The following SPG7 variants were observed in gnomAD, a reference collection of about 807,000 sequenced individuals.
SPG7 encodes SPG7 matrix AAA peptidase subunit, paraplegin.
A neutral mutation model predicts 81.9 loss-of-function variants in SPG7; 103 were observed. That is an observed-to-expected ratio of 1.26 (90% CI 1.07 to 1.48). The LOEUF is 1.48. Ranked by LOEUF, SPG7 falls within the 40% of genes most tolerant of loss-of-function variation. The probability of loss-of-function intolerance (pLI) is 0.00; values close to 1 mark genes in which losing one functional copy is unlikely to be tolerated. For missense variants in SPG7, 1,241 were observed against 1,087.3 expected (o/e 1.14, Z -1.99); for synonymous variants, 534 against 444.2 (o/e 1.20, Z -2.54).
intron 2 of SPG7, among the ~76,000 whole-genome samples, chr16:89,512,334 G>A (rs1017884485): frequency 4.6e-5 from 7 of 152,064 alleles, no homozygotes; most frequent in South Asian, 4.2e-4. Context: ...AACCATTTGT[G>A]AGTCGGAGTC....
At chr16:89,539,538 C>T (rs535202615) in intron 9 of SPG7, 7 of 152,124 alleles carry the variant, frequency 4.6e-5, no homozygotes, top group African/African-American at 1.4e-4. Flanking sequence ...TTGCCTATTC[C>T]TAGATCCTAA....
chr16:89,512,996 A>G lies in SPG7; in HGVS notation c.335A>G (p.Glu112Gly), dbSNP rs1414573753. Residue 112 changes from glutamate (E) to glycine (G), a missense_variant, in exon 3 of 17, where the codon GAG becomes GGG. Glu to Gly is a moderately conservative substitution (Grantham distance 98, BLOSUM62 -2). Transcript: ENST00000645818. Reference sequence around the variant, plus strand: ...TCAAGGTTGAAGCAGAAGAATAAGGAGAAGGATAAGTCGAAGGGGAAGGCG... The same window carrying G: ...TCAAGGTTGAAGCAGAAGAATAAGGGGAAGGATAAGTCGAAGGGGAAGGCG... ...NTSRLKQKNKEKDKSKGKAPE... is the reference protein window; with the variant it reads ...NTSRLKQKNKGKDKSKGKAPE... 3 of 1,613,214 alleles carry G rather than the reference A, an allele frequency of 1.9e-6. 1 individual carries two copies. Among genetic ancestry groups the G allele is most frequent in the South Asian group, 2.2e-5 (2 of 91,064 alleles).
chr16:89,529,244 G>A (rs2058308749), intron 5 of SPG7: 5 of 581,502 alleles, frequency 8.6e-6, no homozygotes, highest in East Asian at 2.9e-5. Flanking sequence ...CTAGATCTCC[G>A]GCATCTGCAC....
At chr16:89,530,450 T>C (rs2058326018) in intron 6 of SPG7, 3 of 571,932 alleles carry the variant, frequency 5.2e-6, no homozygotes, top group Admixed American at 2.7e-5. Flanking sequence ...GGCTGAGTAA[T>C]TTTTTTTAAA....
intron 9 of SPG7, chr16:89,541,439 G>C: frequency 1.5e-6 from 1 of 661,582 alleles, no homozygotes; most frequent in Non-Finnish European, 1.9e-6. Flanking sequence ...GTTACTGGTT[G>C]TCAGCAGTTA....
intron 13 of SPG7, 93 bp from the exon 14 acceptor site, chr16:89,552,886 G>A (rs1055820671): frequency 1.0e-5 from 13 of 1,250,958 alleles, no homozygotes; most frequent in Admixed American, 8.9e-5. Flanking sequence ...GCTTTGAGAC[G>A]CTTTAATGAC....
intron 2 of SPG7, among the ~76,000 whole-genome samples, chr16:89,512,404 C>G (rs960802281): frequency 2.0e-5 from 3 of 152,068 alleles, no homozygotes; most frequent in Non-Finnish European, 4.4e-5. Context: ...CAACCTCCGC[C>G]TCCCGGGTTC....
chr16:89,553,334 CTT>C (rs2058655803), intron 14 of SPG7, 199 bp downstream of exon 14: 5 of 642,838 alleles, frequency 7.8e-6, no homozygotes, highest in Non-Finnish European at 1.1e-5. Flanking sequence ...TGGACAAAAA[CTT>C]AACCTATATG....
chr16:89,536,603 G>T (rs1371385081), intron 9 of SPG7, among the ~76,000 whole-genome samples: 1 of 145,408 alleles, frequency 6.9e-6, no homozygotes, highest in Non-Finnish European at 1.5e-5. Context: ...GGCAGGTGAG[G>T]TGAGGTGGGT....
chr16:89,524,279 G>A (rs756967660), intron 4 of SPG7, 32 bp downstream of exon 4: 2 of 1,592,430 alleles, frequency 1.3e-6, no homozygotes, highest in Non-Finnish European at 8.6e-7. Flanking sequence ...CTGTGAGTGA[G>A]GGTGTGGGCA....
intron 15 of SPG7, 158 bp from the exon 16 acceptor site, chr16:89,554,328 C>T (rs2058666353): frequency 1.5e-6 from 1 of 685,186 alleles, no homozygotes. Context: ...GCTTTCCTGG[C>T]ACTGGTCACA....
At position 89,512,592 on chromosome 16, in the gene SPG7, T is replaced by C. The variant is rs984683236; in HGVS notation, c.287-356T>C. The stretch of plus-strand genomic sequence containing the variant: ...TCCCAAAGTGCTGGGATTACAGGCA[T>C]GAGCCACCACGCCTGGCGTGTTTAA... On this transcript the variant is annotated intron_variant, in intron 2 of 16. Coordinates refer to ENST00000645818, the MANE Select transcript of SPG7 (RefSeq NM_003119.4). Among the ~76,000 whole-genome samples the C allele has an allele frequency of 4.6e-5, 7 of 152,260 alleles. No individual in the cohort carries two copies. In the East Asian group the frequency reaches 9.6e-4, roughly 21 times the overall value.
chr16:89,524,462 T>C (rs181716953), intron 4 of SPG7, among the ~76,000 whole-genome samples: 1 of 152,342 alleles, frequency 6.6e-6, no homozygotes, highest in Admixed American at 6.5e-5. Context: ...GTTTTTGTTT[T>C]TGAGACAGTC....
In SPG7 at chr16:89,557,269, C is replaced by T; in HGVS notation, c.*176C>T. 1.7e-6 allele frequency: 1 copy of T among 604,806 alleles called. No homozygotes were observed. Among genetic ancestry groups the T allele is most frequent in the Non-Finnish European group, 2.9e-6 (1 of 339,274 alleles). The allele number at this position is 604,806 out of a possible 1,614,324, so 37.5% of individuals were successfully genotyped here. On this transcript the variant is annotated 3_prime_UTR_variant, in exon 17 of 17. Coordinates refer to ENST00000645818, the MANE Select transcript of SPG7 (RefSeq NM_003119.4). ...CTTTTCATGATTTTAAGTTTCTCTGCAGAAACTACTGACGGAGTCCTGTGT... is the reference window on the plus strand; with the variant it reads ...CTTTTCATGATTTTAAGTTTCTCTGTAGAAACTACTGACGGAGTCCTGTGT...
Position 89,530,782 on chromosome 16 carries a change from G to C in SPG7, c.961G>C (p.Val321Leu), listed in dbSNP as rs770970424. 1 of 1,614,180 alleles carries C rather than the reference G, an allele frequency of 6.2e-7. No homozygotes were observed. The highest frequency in any genetic ancestry group is 2.2e-5 in the East Asian group (1 of 44,882). ...VAGMHEAKLE[V>L]REFVDYLKSP... ...AGGAATGCACGAAGCCAAACTGGAA[G>C]TCCGCGAGTTTGTGGATTATCTGAA... The change falls in exon 7 of 17, where the codon GTC becomes CTC. Residue 321 changes from valine to leucine, a missense_variant. Physicochemically the swap from Val to Leu is conservative, Grantham distance 32. Coordinates refer to ENST00000645818, the MANE Select transcript of SPG7 (RefSeq NM_003119.4).
chr16:89,556,585 C>T (rs867083276), intron 16 of SPG7: 2 of 431,908 alleles, frequency 4.6e-6, no homozygotes, highest in Admixed American at 3.6e-5. Context: ...TACCCATCTC[C>T]TTCCCTGTAG....
intron 9 of SPG7, chr16:89,544,192 G>C (rs974912705): frequency 1.5e-5 from 4 of 259,852 alleles, no homozygotes; most frequent in Admixed American, 1.0e-4. Flanking sequence ...ATTCTCCGAT[G>C]ACAAACGTCA....
chr16:89,545,504 G>A (rs2058551552), intron 10 of SPG7: 2 of 187,682 alleles, frequency 1.1e-5, no homozygotes, highest in Non-Finnish European at 2.2e-5. Flanking sequence ...AGCCCTTCCC[G>A]CTGGGACACG....
intron 6 of SPG7, chr16:89,530,304 C>T (rs1370709765): frequency 2.9e-6 from 1 of 343,740 alleles, no homozygotes; most frequent in African/African-American, 2.1e-5. Context: ...GCCACCACAC[C>T]CAGCTAATTT....
Sources: allele counts gnomAD v4.1 joint callset (sites outside exome capture counted in the v4.1 genomes callset), GRCh38; gene constraint gnomAD v4.1.1; transcripts MANE v1.5; gene names NCBI Gene and HGNC (gene_info 2026-07-23, HGNC 2026-07-21).